LDLRAD1: variants seen among roughly 807,000 people sequenced by gnomAD.
LDLRAD1 encodes low density lipoprotein receptor class A domain containing 1, also known as low-density lipoprotein receptor class A domain-containing protein 1.
LDLRAD1 carries 17 observed loss-of-function variants against 24.8 expected under a neutral mutation model. The observed-to-expected ratio is 0.69, with a 90% confidence interval of 0.47 to 1.03. The LOEUF (loss-of-function observed/expected upper bound fraction) is 1.03. LDLRAD1 is among the 50% of genes least tolerant of loss of function. The pLI, the probability that LDLRAD1 is intolerant of heterozygous loss-of-function variation, is 0.00. For synonymous variants in LDLRAD1, 103 were observed against 108.2 expected (o/e 0.95, Z 0.30); for missense variants, 277 against 271.0 (o/e 1.02, Z -0.16).
rs1465152468 is a variant in LDLRAD1 at position 54,018,058 on chromosome 1, TTGGAGACAACTCTC to T, written c.21+20_21+33del. The T allele has an allele frequency of 4.4e-6, 7 of 1,574,550 alleles. No homozygotes were observed. The East Asian group carries it at 1.6e-4, about 35-fold the overall frequency. Reference sequence around the variant, plus strand: ...GCTCTCACTTGGGGACAGCTCTTACTTGGAGACAACTCTCACCTGGGGACAGCTCTCACCTGGGG... The same window carrying T: ...GCTCTCACTTGGGGACAGCTCTTACTACCTGGGGACAGCTCTCACCTGGGG... On this transcript the variant is annotated intron_variant, in intron 1 of 5. Coordinates refer to ENST00000371360, the MANE Select transcript of LDLRAD1 (RefSeq NM_001010978.4).
intron 3 of LDLRAD1, among the ~76,000 whole-genome samples, chr1:54,012,727 T>C (rs1569891898): frequency 2.6e-5 from 4 of 152,204 alleles, no homozygotes; most frequent in African/African-American, 7.2e-5. Flanking sequence ...AGCAATATAT[T>C]TGGGCTGGCT....
intron 1 of LDLRAD1, 56 bp downstream of exon 1, chr1:54,018,036 C>T: frequency 6.8e-7 from 1 of 1,464,486 alleles, no homozygotes; most frequent in Non-Finnish European, 9.6e-7. Flanking sequence ...GGGGACAGCT[C>T]TCACTTGGGG....
Position 54,014,241 on chromosome 1 carries a change from G to A in LDLRAD1, c.197C>T (p.Thr66Ile). Reference protein sequence around the residue: ...LVTILGLPSCTPGAQACITLT... With the variant: ...LVTILGLPSCIPGAQACITLT... ...CCTCTCTTGGCCGCCCTGACCTGGG[G>A]TGCATGATGGGAGTCCAAGAATGGT... Residue 66 changes from threonine (T) to isoleucine (I), a missense_variant, in exon 3 of 6, where the codon ACC becomes ATC. Physicochemically the swap from Thr to Ile is moderately conservative, Grantham distance 89 (BLOSUM62 -1). Transcript: ENST00000371360. 1 of 1,566,272 alleles carries A rather than the reference G, an allele frequency of 6.4e-7. No individual in the cohort carries two copies. Among genetic ancestry groups the A allele is most frequent in the South Asian group, 1.2e-5 (1 of 85,046 alleles).
rs1557663571 is a variant in LDLRAD1 at position 54,014,307 on chromosome 1, A to G, written c.131T>C (p.Leu44Pro). 1.3e-6 allele frequency: 2 copies of G among 1,550,074 alleles called. No individual in the cohort carries two copies. The highest frequency in any genetic ancestry group is 1.7e-6 in the Non-Finnish European group (2 of 1,146,884). The change falls in exon 3 of 6, where the codon CTG becomes CCG. Residue 44 changes from leucine (L) to proline (P), a missense_variant. Transcript: ENST00000371360. ...RRGACLSASL[L>P]LLLATVAALI... ...GGCCGCCACAGTTGCCAGGAGGAGCAGCAGAGAGGCAGAGAGGCAGGCCCC... is the reference window on the plus strand; with the variant it reads ...GGCCGCCACAGTTGCCAGGAGGAGCGGCAGAGAGGCAGAGAGGCAGGCCCC...
chr1:54,010,665 C>A (rs542956007), intron 4 of LDLRAD1, among the ~76,000 whole-genome samples: 61 of 152,238 alleles, frequency 4.0e-4, no homozygotes, highest in African/African-American at 1.4e-3. Flanking sequence ...TGTGTTCCTG[C>A]CCCACACCAC....
chr1:54,013,381 G>A (rs1251945914), intron 3 of LDLRAD1, among the ~76,000 whole-genome samples: 1 of 125,270 alleles, frequency 8.0e-6, no homozygotes, highest in African/African-American at 3.3e-5. Flanking sequence ...CCCCACCTCA[G>A]CCCTCTATAC....
intron 3 of LDLRAD1, 97 bp from the exon 4 acceptor site, chr1:54,012,377 T>G: frequency 7.6e-7 from 1 of 1,319,180 alleles, no homozygotes; most frequent in Non-Finnish European, 1.1e-6. Flanking sequence ...CCTGAGGGGC[T>G]GGGGCAGTGG....
intron 5 of LDLRAD1, 37 bp from the exon 6 acceptor site, chr1:54,009,167 T>C: frequency 1.2e-6 from 2 of 1,607,578 alleles, no homozygotes; most frequent in Non-Finnish European, 1.7e-6. Context: ...GCAGTTGCTG[T>C]GTCCTGGAAC....
intron 2 of LDLRAD1, 42 bp from the exon 3 acceptor site, chr1:54,014,406 G>A: frequency 6.6e-7 from 1 of 1,525,430 alleles, no homozygotes; most frequent in South Asian, 1.2e-5. Context: ...TGGTGATAGG[G>A]GGCCAGCGCT....
intron 1 of LDLRAD1, among the ~76,000 whole-genome samples, chr1:54,017,704 G>A (rs771392571): frequency 8.5e-5 from 13 of 152,122 alleles, no homozygotes; most frequent in South Asian, 4.2e-4. Flanking sequence ...ACTCCTGGGT[G>A]AGGCTTTCCC....
At chr1:54,012,919 C>A (rs1018803762) in intron 3 of LDLRAD1, among the ~76,000 whole-genome samples, 1 of 152,162 alleles carries the variant, frequency 6.6e-6, no homozygotes, top group Admixed American at 6.5e-5. Context: ...AACCTACGGA[C>A]AAGGTAGGAG....
Position 54,008,903 on chromosome 1 carries a change from TG to T in LDLRAD1, c.*78del. The T allele has an allele frequency of 1.5e-6, 2 of 1,352,566 alleles. No homozygotes were observed. The highest frequency in any genetic ancestry group is 2.0e-6 in the Non-Finnish European group (2 of 981,206). 83.8% of individuals were successfully genotyped at this position (1,352,566 alleles called of 1,614,324 possible). A position where few individuals can be genotyped will look rare whatever the true frequency, so the allele number is the denominator to read the frequency against. On this transcript the variant is annotated 3_prime_UTR_variant, in exon 6 of 6. Coordinates refer to ENST00000371360, the MANE Select transcript of LDLRAD1 (RefSeq NM_001010978.4). ...TTTCAAAGGCTGCTTCCTGCCCTTGTGCGCTAGGATTTGATTTTCATGTGAA... is the reference window on the plus strand; with the variant it reads ...TTTCAAAGGCTGCTTCCTGCCCTTGTCGCTAGGATTTGATTTTCATGTGAA...
rs781635263 is a variant in LDLRAD1 at position 54,012,291 on chromosome 1, A to G, written c.203-11T>C. On this transcript the variant is annotated splice_polypyrimidine_tract_variant and intron_variant, in intron 3 of 5. Transcript: ENST00000371360. ...TACAAGCTTGGGCTCCTGAATGGGC[A>G]GGGAAAGGCCCTGGAGGGTCAAGGG... 3 of 1,614,004 alleles carry G rather than the reference A, an allele frequency of 1.9e-6. No individual in the cohort carries two copies. Among genetic ancestry groups the G allele is most frequent in the Non-Finnish European group, 8.5e-7 (1 of 1,179,922 alleles).
chr1:54,009,005 C>T lies in LDLRAD1; in HGVS notation c.595G>A (p.Glu199Lys). Residue 199 changes from glutamate to lysine, a missense_variant, in exon 6 of 6, where the codon GAG becomes AAG. Coordinates refer to ENST00000371360, the MANE Select transcript of LDLRAD1 (RefSeq NM_001010978.4). ...HVQHCSDWSD[E>K]YACPGP ...ACTCAGGGTCCGGGACAGGCATACT[C>T]ATCGGACCAGTCGGAGCAGTGCTGT... 2 of 1,613,930 alleles carry T rather than the reference C, an allele frequency of 1.2e-6. No homozygotes were observed. Among genetic ancestry groups the T allele is most frequent in the Non-Finnish European group, 1.7e-6 (2 of 1,179,888 alleles).
rs2100270878 is a variant in LDLRAD1 at position 54,018,061 on chromosome 1, G to A, written c.21+31C>T. On this transcript the variant is annotated intron_variant, in intron 1 of 5. Coordinates refer to ENST00000371360, the MANE Select transcript of LDLRAD1 (RefSeq NM_001010978.4). ...CTCACTTGGGGACAGCTCTTACTTGGAGACAACTCTCACCTGGGGACAGCT... is the reference window on the plus strand; with the variant it reads ...CTCACTTGGGGACAGCTCTTACTTGAAGACAACTCTCACCTGGGGACAGCT... The A allele has an allele frequency of 1.9e-6, 3 of 1,584,534 alleles. No individual in the cohort carries two copies. The South Asian group carries it at 3.3e-5, about 18-fold the overall frequency.
At chr1:54,009,356 T>C (rs1655953201) in intron 5 of LDLRAD1, among the ~76,000 whole-genome samples, 2 of 152,106 alleles carry the variant, frequency 1.3e-5, no homozygotes, top group African/African-American at 2.4e-5. Context: ...CCTAGTGTGC[T>C]CAAGCTTGTT....
rs1655908215 is a variant in LDLRAD1, at chr1:54,008,571, A to ACAG, written c.*408_*410dup. 6.4e-6 allele frequency: 1 copy of ACAG among 155,336 alleles called. No individual in the cohort carries two copies. The highest frequency in any genetic ancestry group is 2.4e-5 in the African/African-American group (1 of 41,272). The allele number at this position is 155,336 out of a possible 1,614,324, so 9.6% of individuals were successfully genotyped here. On this transcript the variant is annotated 3_prime_UTR_variant, in exon 6 of 6. Transcript: ENST00000371360. The stretch of plus-strand genomic sequence containing the variant: ...TGTTTTGTTTCATTTTTTTTTTGAG[A>ACAG]CAGGGTCTCACTGTGTTGCTCAGGC...
At chr1:54,017,289 C>T in intron 2 of LDLRAD1, 87 bp downstream of exon 2, 2 of 1,129,990 alleles carry the variant, frequency 1.8e-6, no homozygotes, top group Non-Finnish European at 2.6e-6. Flanking sequence ...CAGTGGGAGC[C>T]TTGAACCCTC....
chr1:54,012,817 A>G (rs1373238454), intron 3 of LDLRAD1, among the ~76,000 whole-genome samples: 2 of 152,054 alleles, frequency 1.3e-5, no homozygotes, highest in Non-Finnish European at 2.9e-5. Context: ...AGTTCCCCAA[A>G]CACCCCTGCG....
Sources: allele counts gnomAD v4.1 joint callset (sites outside exome capture counted in the v4.1 genomes callset), GRCh38; gene constraint gnomAD v4.1.1; transcripts MANE v1.5; gene names NCBI Gene and HGNC (gene_info 2026-07-23, HGNC 2026-07-21).